Variants in CLMN observed in about 807,000 individuals in gnomAD.
The protein encoded by CLMN is calmin.
Under a neutral mutation model 92.7 loss-of-function variants are expected in CLMN, and 57 were observed. That is an observed-to-expected ratio of 0.61 (90% CI 0.50 to 0.77). The LOEUF (loss-of-function observed/expected upper bound fraction) is 0.77. CLMN is among the 30% of genes least tolerant of loss of function. The probability of loss-of-function intolerance (pLI) is 0.00; values close to 1 mark genes in which losing one functional copy is unlikely to be tolerated. For synonymous variants in CLMN, 466 were observed against 470.6 expected (o/e 0.99, Z 0.13); for missense variants, 1,158 against 1,237.5 (o/e 0.94, Z 0.96).
At chr14:95,252,882 G>A (rs1027087020) in intron 1 of CLMN, among the ~76,000 whole-genome samples, 11 of 152,154 alleles carry the variant, frequency 7.2e-5, no homozygotes, top group South Asian at 2.1e-4. Flanking sequence ...GCTTTGCATC[G>A]GGAACCCTTC....
At chr14:95,200,539 G>A (rs914817711) in intron 9 of CLMN, among the ~76,000 whole-genome samples, 2 of 152,046 alleles carry the variant, frequency 1.3e-5, no homozygotes, top group African/African-American at 4.8e-5. Flanking sequence ...ATGTGGTTTC[G>A]GACTCACCTC....
chr14:95,254,122 T>G (rs943265566), intron 1 of CLMN, among the ~76,000 whole-genome samples: 21 of 152,166 alleles, frequency 1.4e-4, no homozygotes, highest in Admixed American at 1.3e-3. Context: ...GGTCTGGACC[T>G]TTGTCCCCAT....
chr14:95,204,735 A>G (rs1897000288), intron 8 of CLMN, among the ~76,000 whole-genome samples: 1 of 152,250 alleles, frequency 6.6e-6, no homozygotes, highest in Non-Finnish European at 1.5e-5. Context: ...AAAGCTATGG[A>G]TTAACGAATC....
intron 9 of CLMN, among the ~76,000 whole-genome samples, chr14:95,197,141 C>T (rs1308494488): frequency 2.6e-5 from 4 of 151,994 alleles, no homozygotes; most frequent in African/African-American, 9.7e-5. Context: ...CCCAACTACT[C>T]GGGAGGTGGA....
intron 1 of CLMN, among the ~76,000 whole-genome samples, chr14:95,274,812 C>T (rs1899860134): frequency 1.3e-5 from 2 of 152,164 alleles, no homozygotes; most frequent in South Asian, 2.1e-4. Flanking sequence ...AACCCTGTCT[C>T]TACTAAAAAT....
intron 1 of CLMN, among the ~76,000 whole-genome samples, chr14:95,315,070 G>A (rs79351708): frequency 0.013 from 2,003 of 152,130 alleles, 18 homozygotes; most frequent in Non-Finnish European, 0.022. Context: ...TCCCACTGCT[G>A]TGTGCTCCAC....
chr14:95,281,822 A>G (rs1324148289), intron 1 of CLMN, among the ~76,000 whole-genome samples: 1 of 152,204 alleles, frequency 6.6e-6, no homozygotes, highest in Non-Finnish European at 1.5e-5. Context: ...AACACTTATT[A>G]AATCTTCCAG....
In CLMN at chr14:95,186,496, C is replaced by T. The variant is rs1048421052; in HGVS notation, c.*5068G>A. 5 of 152,320 alleles carry T rather than the reference C, an allele frequency of 3.3e-5. No homozygotes were observed. Among genetic ancestry groups the T allele is most frequent in the East Asian group, 1.9e-4 (1 of 5,190 alleles). The allele number at this position is 152,320 out of a possible 1,614,324, so 9.4% of individuals were successfully genotyped here. A position where few individuals can be genotyped will look rare whatever the true frequency, so the allele number is the denominator to read the frequency against. ...AACTATGGCAAGATACAAACTTCGA[C>T]GAGGCAATGTTGGCCACGTTCAACA... On this transcript the variant is annotated 3_prime_UTR_variant, in exon 13 of 13. Transcript: ENST00000298912.
rs79752701 is a variant in CLMN at position 95,217,358 on chromosome 14, C to T, written c.325-1625G>A. ...ATCCTATCAGTTCATCATGGGTTTC[C>T]GACAACACCAATCATTTAGGCCTGG... On this transcript the variant is annotated intron_variant, in intron 4 of 12. Transcript: ENST00000298912. Among the ~76,000 whole-genome samples, 4 of 152,076 alleles carry T rather than the reference C, an allele frequency of 2.6e-5. No homozygotes were observed. The East Asian group carries it at 7.7e-4, about 29-fold the overall frequency.
At chr14:95,227,511 A>G (rs1257294886) in intron 2 of CLMN, among the ~76,000 whole-genome samples, 3 of 152,212 alleles carry the variant, frequency 2.0e-5, no homozygotes, top group African/African-American at 4.8e-5. Flanking sequence ...ACCCCCTGAT[A>G]AATGGACTAA....
At chr14:95,223,906 C>T in intron 2 of CLMN, 51 bp from the exon 3 acceptor site, 1 of 1,290,998 alleles carries the variant, frequency 7.7e-7, no homozygotes, top group South Asian at 1.2e-5. Context: ...GTGTGATCCA[C>T]AAAGCTATGT....
intron 1 of CLMN, among the ~76,000 whole-genome samples, chr14:95,309,945 G>C (rs972992357): frequency 2.6e-5 from 4 of 152,218 alleles, no homozygotes; most frequent in African/African-American, 9.6e-5. Context: ...AGTCTGAATG[G>C]GTTTTACCAG....
chr14:95,269,196 T>C (rs1384078755), intron 1 of CLMN, among the ~76,000 whole-genome samples: 1 of 152,182 alleles, frequency 6.6e-6, no homozygotes, highest in Admixed American at 6.5e-5. Flanking sequence ...ATCAAATATA[T>C]GCCTGTGCTT....
chr14:95,236,382 C>T (rs549986781), intron 1 of CLMN, among the ~76,000 whole-genome samples: 4 of 152,218 alleles, frequency 2.6e-5, no homozygotes, highest in South Asian at 2.1e-4. Flanking sequence ...CCACCCAGAA[C>T]ATCTCGCGCA....
intron 1 of CLMN, among the ~76,000 whole-genome samples, chr14:95,273,501 T>G (rs1049736633): frequency 2.0e-5 from 3 of 152,150 alleles, no homozygotes; most frequent in African/African-American, 7.2e-5. Context: ...AACACTCCAA[T>G]CTGTGGCTGG....
At chr14:95,319,689 G>T in intron 1 of CLMN, 22 bp downstream of exon 1, 1 of 1,585,660 alleles carries the variant, frequency 6.3e-7, no homozygotes, top group Non-Finnish European at 8.5e-7. Flanking sequence ...AGCCATCCCG[G>T]GGCGAGCCTG....
intron 9 of CLMN, among the ~76,000 whole-genome samples, chr14:95,201,566 CTTTTT>C (rs57205690): frequency 7.2e-6 from 1 of 139,670 alleles, no homozygotes; most frequent in Admixed American, 7.2e-5. Context: ...CTTTTTTTTC[CTTTTT>C]TTTTTTTTTT....
chr14:95,246,151 T>C lies in CLMN; in HGVS notation c.83-16018A>G, dbSNP rs773322809. 4.3e-4 allele frequency among the ~76,000 whole-genome samples: 66 copies of C among 152,214 alleles called. 1 individual carries two copies. Among genetic ancestry groups the C allele is most frequent in the African/African-American group, 9.6e-5 (4 of 41,460 alleles). ...ACTCACAAGAAACATGCTTTTCATA[T>C]GAAAACCGAACAATCCAGAGCCCAC... On this transcript the variant is annotated intron_variant, in intron 1 of 12. Transcript: ENST00000298912.
Position 95,203,166 on chromosome 14 carries a change from T to G in CLMN, c.2183A>C (p.Tyr728Ser). ...KVSVIPHDLF[Y>S]FPHYEVPLAA... The stretch of plus-strand genomic sequence containing the variant: ...CAGGGGAACCTCATAGTGTGGGAAA[T>G]AGAAGAGGTCGTGGGGAATGACGGA... The change falls in exon 9 of 13, where the codon TAT becomes TCT. Residue 728 changes from tyrosine (Y) to serine (S), a missense_variant. Coordinates refer to ENST00000298912, the MANE Select transcript of CLMN (RefSeq NM_024734.4). The G allele has an allele frequency of 6.2e-7, 1 of 1,612,596 alleles. No individual in the cohort carries two copies. Among genetic ancestry groups the G allele is most frequent in the African/African-American group, 1.3e-5 (1 of 74,936 alleles).
Sources: gnomAD v4.1 joint callset for allele counts (sites outside exome capture counted in the v4.1 genomes callset) on GRCh38, gnomAD v4.1.1 for gene constraint, MANE v1.5 for transcripts, NCBI Gene and HGNC (gene_info 2026-07-23, HGNC 2026-07-21) for gene names.